The following RNF212B variants were observed in gnomAD, a reference collection of about 807,000 sequenced individuals.
RNF212B encodes E3 ubiquitin-protein ligase RNF212B.
A neutral mutation model predicts 55.5 loss-of-function variants in RNF212B; 52 were observed. The observed-to-expected ratio is 0.94, with a 90% confidence interval of 0.75 to 1.18. The LOEUF is 1.18. Ranked by LOEUF, RNF212B falls within the 50% of genes most tolerant of loss-of-function variation. The probability of loss-of-function intolerance (pLI) is 0.00; values close to 1 mark genes in which losing one functional copy is unlikely to be tolerated. For synonymous variants in RNF212B, 99 were observed against 121.4 expected, an observed-to-expected ratio of 0.82 and a Z score of 1.21; for missense variants, 289 against 350.4, an observed-to-expected ratio of 0.82 and a Z score of 1.40.
At chr14:23,211,416 A>C (rs1880510015) in intron 2 of RNF212B, among the ~76,000 whole-genome samples, 1 of 152,156 alleles carries the variant, frequency 6.6e-6, no homozygotes, top group African/African-American at 2.4e-5. Flanking sequence ...TTCACTGGTA[A>C]GTTCTACCAA....
At chr14:23,194,727 T>C (rs1183291933) in intron 2 of RNF212B, among the ~76,000 whole-genome samples, 3 of 95,018 alleles carry the variant, frequency 3.2e-5, no homozygotes, top group Non-Finnish European at 5.7e-5. Context: ...AGAGTGAGAC[T>C]CTGTCTCAAA....
intron 2 of RNF212B, among the ~76,000 whole-genome samples, chr14:23,208,841 C>A (rs1880152337): frequency 6.8e-6 from 1 of 146,178 alleles, no homozygotes; most frequent in Non-Finnish European, 1.5e-5. Flanking sequence ...TCACTGCAAG[C>A]TCTGCCTCCC....
At chr14:23,242,081 C>CAAAAAAAAAAAA (rs58497672) in intron 2 of RNF212B, among the ~76,000 whole-genome samples, 7 of 36,626 alleles carry the variant, frequency 1.9e-4, no homozygotes, top group Non-Finnish European at 2.9e-4. Context: ...GACTCCGTCT[C>CAAAAAAAAAAAA]AAAAAAAAAA....
chr14:23,271,214 G>A lies in RNF212B; in HGVS notation c.834+553G>A, dbSNP rs148711173. Reference sequence around the variant, plus strand: ...AGCACTTTGGGAGGCCGAGGCAGGTGGATAACCTGAGGTCAGGAGTTAGAG... The same window carrying A: ...AGCACTTTGGGAGGCCGAGGCAGGTAGATAACCTGAGGTCAGGAGTTAGAG... On this transcript the variant is annotated intron_variant, in intron 14 of 14. Coordinates refer to ENST00000430154, the MANE Select transcript of RNF212B (RefSeq NM_001282322.3). Among the ~76,000 whole-genome samples the A allele has an allele frequency of 3.8e-4, 58 of 152,242 alleles. 1 individual carries two copies. Among genetic ancestry groups the A allele is most frequent in the African/African-American group, 1.3e-3 (53 of 41,524 alleles).
rs115009908 is a variant in RNF212B, at chr14:23,221,428, C to T, written c.-1-18917C>T. On this transcript the variant is annotated intron_variant, in intron 2 of 15. Coordinates refer to the RNF212B transcript ENST00000399910. ...TTCTATAATGATAAAGGGGTCAATT[C>T]AGCATGAGAGTGTAACAATTGTAAG... 8.7e-3 allele frequency among the ~76,000 whole-genome samples: 1,323 copies of T among 152,254 alleles called. 25 individuals carry two copies. The highest frequency in any genetic ancestry group is 0.03 in the African/African-American group (1,252 of 41,560).
chr14:23,232,811 C>CA lies in RNF212B; in HGVS notation c.-1-7534_-1-7533insA, dbSNP rs543748252. Among the ~76,000 whole-genome samples the CA allele has an allele frequency of 8.1e-3, 1,172 of 145,128 alleles. 6 individuals carry two copies. The highest frequency in any genetic ancestry group is 0.012 in the Non-Finnish European group (787 of 65,134). ...GGGGGGGGGTCAGCCTCTGCCCGGCCGCCACCCTGTCTGGGAGGTGGGGGT... is the reference window on the plus strand; with the variant it reads ...GGGGGGGGGTCAGCCTCTGCCCGGCCAGCCACCCTGTCTGGGAGGTGGGGGT... On this transcript the variant is annotated intron_variant, in intron 2 of 15. Coordinates refer to the RNF212B transcript ENST00000399910.
At chr14:23,226,317 T>TAAA (rs1491584155) in intron 2 of RNF212B, among the ~76,000 whole-genome samples, 13 of 101,800 alleles carry the variant, frequency 1.3e-4, no homozygotes, top group African/African-American at 5.4e-4. Flanking sequence ...AAAAAAAAAA[T>TAAA]TAAATAAATA....
intron 11 of RNF212B, among the ~76,000 whole-genome samples, chr14:23,265,459 G>A (rs6573084): frequency 0.57 from 86,222 of 152,014 alleles, 25,488 homozygotes; most frequent in African/African-American, 0.75. Flanking sequence ...ATTTTCAAGG[G>A]CATTAGCCAG....
At chr14:23,194,089 G>A (rs1420892012) in intron 2 of RNF212B, among the ~76,000 whole-genome samples, 10 of 152,102 alleles carry the variant, frequency 6.6e-5, no homozygotes, top group African/African-American at 2.4e-4. Context: ...TGATCCACCC[G>A]CCTCGGCCTC....
chr14:23,258,496 G>T, intron 4 of RNF212B, 53 bp from the exon 5 acceptor site: 1 of 809,132 alleles, frequency 1.2e-6, no homozygotes, highest in South Asian at 1.8e-5. Flanking sequence ...TGCCAGAAGT[G>T]AAGGGAAAGG....
At chr14:23,259,820 T>C in intron 5 of RNF212B, 64 bp from the exon 6 acceptor site, 1 of 802,394 alleles carries the variant, frequency 1.2e-6, no homozygotes, top group South Asian at 1.9e-5. Flanking sequence ...ATAGTTATAA[T>C]AATAAAAAAT....
Position 23,188,460 on chromosome 14 carries a change from G to GTTTTTTTTTTTTTTTTTTTT in RNF212B, c.-79+2987_-79+2988insTTTTTTTTTTTTTTTTTTTT, listed in dbSNP as rs60659225. ...TTCATTATGTTTGACAAAGATTAGG[G>GTTTTTTTTTTTTTTTTTTTT]TTTTTTTTTTTTTTTTTAGAGATAG... On this transcript the variant is annotated intron_variant, in intron 1 of 15. Transcript: ENST00000399910. 1.5e-5 allele frequency: 2 copies of GTTTTTTTTTTTTTTTTTTTT among 136,502 alleles called. 1 individual carries two copies. Among genetic ancestry groups the GTTTTTTTTTTTTTTTTTTTT allele is most frequent in the Non-Finnish European group, 3.1e-5 (2 of 64,028 alleles). The allele number at this position is 136,502 out of a possible 1,614,324, so 8.5% of individuals were successfully genotyped here.
At position 23,240,362 on chromosome 14, in the gene RNF212B, G is replaced by A. The variant is rs1268218489; in HGVS notation, c.17G>A (p.Cys6Tyr). MDWFH[C>Y]NQCFRKDGAH... The stretch of plus-strand genomic sequence containing the variant: ...TGCTCCAGAATGGATTGGTTTCATT[G>A]CAACCAGTGCTTCCGAAAAGATGGG... Residue 6 changes from cysteine (C) to tyrosine (Y), a missense_variant, in exon 2 of 15, where the codon TGC becomes TAC. Transcript: ENST00000430154. 8 of 1,549,718 alleles carry A rather than the reference G, an allele frequency of 5.2e-6. No homozygotes were observed. Among genetic ancestry groups the A allele is most frequent in the Non-Finnish European group, 6.1e-6 (7 of 1,146,374 alleles).
At chr14:23,233,832 C>A (rs982856651), upstream of RNF212B, among the ~76,000 whole-genome samples, 3 of 151,898 alleles carry the variant, frequency 2.0e-5, no homozygotes, top group Non-Finnish European at 2.9e-5. Context: ...CATGGTGGCT[C>A]ATGCCTGTAA....
intron 2 of RNF212B, among the ~76,000 whole-genome samples, chr14:23,193,598 C>G (rs1878333919): frequency 1.3e-5 from 2 of 152,186 alleles, no homozygotes; most frequent in Non-Finnish European, 2.9e-5. Context: ...ATGTTTTTAT[C>G]TAATGAGTCT....
chr14:23,189,276 G>C (rs997009539), intron 1 of RNF212B, among the ~76,000 whole-genome samples: 1 of 152,174 alleles, frequency 6.6e-6, no homozygotes, highest in Non-Finnish European at 1.5e-5. Context: ...TACTAAATCT[G>C]TCAATCTACC....
chr14:23,204,230 T>C (rs1364217779), intron 2 of RNF212B, among the ~76,000 whole-genome samples: 1 of 152,240 alleles, frequency 6.6e-6, no homozygotes, highest in Non-Finnish European at 1.5e-5. Flanking sequence ...TTTAGTTTAA[T>C]TAAGTCCCAA....
intron 14 of RNF212B, among the ~76,000 whole-genome samples, chr14:23,271,109 G>T (rs1006874814): frequency 6.6e-6 from 1 of 152,122 alleles, no homozygotes; most frequent in East Asian, 1.9e-4. Flanking sequence ...AAGGTAAAGG[G>T]CATGGTAACA....
intron 2 of RNF212B, among the ~76,000 whole-genome samples, chr14:23,207,140 A>G (rs1423622062): frequency 6.6e-6 from 1 of 152,240 alleles, no homozygotes; most frequent in Non-Finnish European, 1.5e-5. Flanking sequence ...TACAGCCAAC[A>G]ACAAGAGTTA....
Sources: gnomAD v4.1 joint callset for allele counts (sites outside exome capture counted in the v4.1 genomes callset) on GRCh38, gnomAD v4.1.1 for gene constraint, MANE v1.5 for transcripts, NCBI Gene and HGNC (gene_info 2026-07-23, HGNC 2026-07-21) for gene names.